The following PDZRN4 variants were observed in gnomAD, a reference collection of about 807,000 sequenced individuals.
PDZRN4 encodes PDZ domain containing ring finger 4, also known as PDZ domain-containing RING finger protein 4.
In PDZRN4, 70 loss-of-function variants were observed where a neutral mutation model predicts 99.0. The ratio of observed to expected loss-of-function variants is 0.71; its 90% CI spans 0.58 to 0.86. PDZRN4 has a LOEUF of 0.86. Among genes scored for constraint, PDZRN4 ranks in the 40% least tolerant of loss-of-function variants. The pLI is 0.00. For synonymous variants in PDZRN4, 551 were observed against 501.6 expected (o/e 1.10, Z -1.32); for missense variants, 1,474 against 1,331.2 (o/e 1.11, Z -1.67).
chr12:41,387,474 A>G (rs1373628210), intron 3 of PDZRN4, among the ~76,000 whole-genome samples: 1 of 152,108 alleles, frequency 6.6e-6, no homozygotes, highest in East Asian at 1.9e-4. Flanking sequence ...AGTCCCAGCT[A>G]CTTGAGAGGC....
chr12:41,293,225 C>A (rs1356915737), intron 3 of PDZRN4, among the ~76,000 whole-genome samples: 3 of 140,284 alleles, frequency 2.1e-5, no homozygotes, highest in Admixed American at 2.1e-4. Flanking sequence ...CTATGACTAA[C>A]TTCTGGCTGG....
At chr12:41,428,453 A>G (rs541025011) in intron 3 of PDZRN4, among the ~76,000 whole-genome samples, 78 of 152,350 alleles carry the variant, frequency 5.1e-4, no homozygotes, top group African/African-American at 1.8e-3. Context: ...AGCAGAATCC[A>G]ATGTTGAGAG....
Position 41,370,694 on chromosome 12 carries a change from T to C in PDZRN4, c.844-135762T>C, listed in dbSNP as rs564406580. On this transcript the variant is annotated intron_variant, in intron 3 of 9. Transcript: ENST00000402685. ...TCTGGAACTTCTTTTAGGTTTATAC[T>C]AGACATTTTTAAACCATGCATATCT... Among the ~76,000 whole-genome samples, 21 of 152,068 alleles carry C rather than the reference T, an allele frequency of 1.4e-4. No individual in the cohort carries two copies. In the East Asian group the frequency reaches 4.1e-3, roughly 29 times the overall value.
chr12:41,209,596 GT>G (rs1950874867), intron 3 of PDZRN4, among the ~76,000 whole-genome samples: 1 of 150,068 alleles, frequency 6.7e-6, no homozygotes, highest in African/African-American at 2.5e-5. Flanking sequence ...AACATGTGGT[GT>G]TTGGTTTTTT....
Position 41,573,467 on chromosome 12 carries a change from C to T in PDZRN4, c.2688C>T (p.Asp896=), listed in dbSNP as rs1399612991. 3 of 1,613,662 alleles carry T rather than the reference C, an allele frequency of 1.9e-6. No individual in the cohort carries two copies. Among genetic ancestry groups the T allele is most frequent in the African/African-American group, 1.3e-5 (1 of 74,802 alleles). The change falls in exon 10 of 10, where the codon GAC becomes GAT. Residue 896 remains aspartate, a synonymous_variant. Transcript: ENST00000402685. Reference sequence around the variant, plus strand: ...AATGGAAGGTGAAAATTAGGAGCGACGGGACACGGTACATCACAAAGAGAC... The same window carrying T: ...AATGGAAGGTGAAAATTAGGAGCGATGGGACACGGTACATCACAAAGAGAC... ...KMEWKVKIRS[D]GTRYITKRPV...
intron 3 of PDZRN4, among the ~76,000 whole-genome samples, chr12:41,450,770 T>C (rs1261175936): frequency 1.3e-5 from 2 of 151,980 alleles, no homozygotes; most frequent in East Asian, 3.9e-4. Context: ...AAGTAAAAAA[T>C]AAAAGAAATT....
At chr12:41,251,979 G>T (rs769617148) in intron 3 of PDZRN4, among the ~76,000 whole-genome samples, 1 of 152,094 alleles carries the variant, frequency 6.6e-6, no homozygotes, top group African/African-American at 2.4e-5. Context: ...AGGTGGGCAT[G>T]GTAGTATGTG....
intron 4 of PDZRN4, 86 bp downstream of exon 4, chr12:41,506,798 A>G: frequency 1.4e-6 from 2 of 1,447,598 alleles, no homozygotes; most frequent in Non-Finnish European, 1.9e-6. Flanking sequence ...TTCCACTAGC[A>G]GGTTGACAGT....
intron 3 of PDZRN4, among the ~76,000 whole-genome samples, chr12:41,200,540 C>A (rs1950808127): frequency 6.6e-6 from 1 of 152,124 alleles, no homozygotes; most frequent in Admixed American, 6.6e-5. Flanking sequence ...AACAGGGCCA[C>A]CTCTTTTTAC....
At chr12:41,238,080 T>C (rs1182664240) in intron 3 of PDZRN4, among the ~76,000 whole-genome samples, 2 of 152,184 alleles carry the variant, frequency 1.3e-5, no homozygotes, top group Admixed American at 1.3e-4. Context: ...ATTTTCACGA[T>C]ATTGATTCTT....
intron 3 of PDZRN4, among the ~76,000 whole-genome samples, chr12:41,317,233 C>T (rs1290711465): frequency 9.5e-6 from 1 of 104,930 alleles, no homozygotes; most frequent in African/African-American, 2.7e-5. Context: ...AAGGAATGGA[C>T]TCACATGGTT....
chr12:41,350,469 T>A (rs1289107147), intron 3 of PDZRN4, among the ~76,000 whole-genome samples: 2 of 152,102 alleles, frequency 1.3e-5, no homozygotes, highest in East Asian at 3.9e-4. Context: ...AAAGATGTCC[T>A]CAAGGATTCA....
At chr12:41,235,002 G>A (rs1270034702) in intron 3 of PDZRN4, among the ~76,000 whole-genome samples, 6 of 152,050 alleles carry the variant, frequency 3.9e-5, no homozygotes, top group South Asian at 2.1e-4. Flanking sequence ...AACCTACACC[G>A]GAAGGGGTTA....
intron 3 of PDZRN4, among the ~76,000 whole-genome samples, chr12:41,485,715 G>A (rs377275506): frequency 1.3e-5 from 2 of 152,026 alleles, no homozygotes; most frequent in East Asian, 1.9e-4. Flanking sequence ...ATAAATAAAC[G>A]ATGAGTCATT....
chr12:41,483,522 G>A lies in PDZRN4; in HGVS notation c.844-22934G>A, dbSNP rs117733046. Among the ~76,000 whole-genome samples, 243 of 152,194 alleles carry A rather than the reference G, an allele frequency of 1.6e-3. 1 individual carries two copies. The highest frequency in any genetic ancestry group is 3.4e-3 in the Middle Eastern group (1 of 294). On this transcript the variant is annotated intron_variant, in intron 3 of 9. Coordinates refer to ENST00000402685, the MANE Select transcript of PDZRN4 (RefSeq NM_001164595.2). ...CATGTAGGGAGCTTCAGAGCAATGTGTAGAATTGATGTAAGAAACGCTATT... is the reference window on the plus strand; with the variant it reads ...CATGTAGGGAGCTTCAGAGCAATGTATAGAATTGATGTAAGAAACGCTATT...
intron 3 of PDZRN4, among the ~76,000 whole-genome samples, chr12:41,486,402 C>T (rs1309119971): frequency 2.6e-5 from 4 of 152,118 alleles, no homozygotes; most frequent in African/African-American, 9.7e-5. Context: ...ATGTAAACTT[C>T]ATCTCTGTCA....
chr12:41,326,501 G>C (rs1375536735), intron 3 of PDZRN4, among the ~76,000 whole-genome samples: 1 of 152,044 alleles, frequency 6.6e-6, no homozygotes, highest in East Asian at 1.9e-4. Flanking sequence ...TGGATATCAG[G>C]TGGCAGGAGT....
At chr12:41,371,001 A>C (rs552514439) in intron 3 of PDZRN4, among the ~76,000 whole-genome samples, 1 of 151,428 alleles carries the variant, frequency 6.6e-6, no homozygotes, top group African/African-American at 2.4e-5. Context: ...CTGAAATTTT[A>C]TTTTAGATGA....
At chr12:41,305,277 C>G (rs991412626) in intron 3 of PDZRN4, among the ~76,000 whole-genome samples, 1 of 152,164 alleles carries the variant, frequency 6.6e-6, no homozygotes, top group Non-Finnish European at 1.5e-5. Flanking sequence ...TCATTGGAAA[C>G]CTGGATGGAT....
Sources: allele counts gnomAD v4.1 joint callset (sites outside exome capture counted in the v4.1 genomes callset), GRCh38; gene constraint gnomAD v4.1.1; transcripts MANE v1.5; gene names NCBI Gene and HGNC (gene_info 2026-07-23, HGNC 2026-07-21).